Variants in SLC9A1 observed in about 807,000 individuals in gnomAD.
The protein encoded by SLC9A1 is solute carrier family 9 member A1, also known as sodium/hydrogen exchanger 1.
In SLC9A1, 22 loss-of-function variants were observed where a neutral mutation model predicts 67.9. The ratio of observed to expected loss-of-function variants is 0.32; its 90% confidence interval spans 0.23 to 0.46. SLC9A1 has a LOEUF of 0.46. SLC9A1 is among the 20% of genes least tolerant of loss of function. SLC9A1 has a pLI of 1.00. For missense variants in SLC9A1, 686 were observed against 1,094.8 expected (o/e 0.63, Z 5.27); for synonymous variants, 421 against 471.8 (o/e 0.89, Z 1.40).
At chr1:27,121,934 C>T (rs1570864199) in intron 1 of SLC9A1, among the ~76,000 whole-genome samples, 1 of 152,062 alleles carries the variant, frequency 6.6e-6, no homozygotes, top group Non-Finnish European at 1.5e-5. Flanking sequence ...ATTAGCCTGG[C>T]CAACATGGTG....
intron 3 of SLC9A1, 44 bp from the exon 4 acceptor site, chr1:27,107,909 A>C: frequency 7.0e-7 from 1 of 1,418,998 alleles, no homozygotes; most frequent in East Asian, 2.4e-5. Context: ...GTCGAGCTGC[A>C]CCTGCTCGAG....
At chr1:27,127,981 T>C (rs1164450922) in intron 1 of SLC9A1, among the ~76,000 whole-genome samples, 1 of 152,200 alleles carries the variant, frequency 6.6e-6, no homozygotes, top group African/African-American at 2.4e-5. Context: ...TCTCCATCCT[T>C]GGGGGCTTGT....
intron 1 of SLC9A1, among the ~76,000 whole-genome samples, chr1:27,143,399 T>C (rs540491957): frequency 1.3e-5 from 2 of 152,356 alleles, no homozygotes; most frequent in East Asian, 3.9e-4. Context: ...CCCTTGTATG[T>C]TGTCTCACTT....
rs762942952 is a variant in SLC9A1, at chr1:27,114,628, G to A, written c.353-342C>T. ...CAGAAATTATAAATTGATTACTGAC[G>A]TGCCAAGTACCTACGGGCATCACCT... On this transcript the variant is annotated intron_variant, in intron 1 of 11. Coordinates refer to ENST00000263980, the MANE Select transcript of SLC9A1 (RefSeq NM_003047.5). The surrounding 1 kb of genome is among the most constrained non-coding windows in gnomAD (Gnocchi z 5.4). Among the ~76,000 whole-genome samples, 4 of 152,106 alleles carry A rather than the reference G, an allele frequency of 2.6e-5. No individual in the cohort carries two copies. Among genetic ancestry groups the A allele is most frequent in the Non-Finnish European group, 4.4e-5 (3 of 68,030 alleles).
rs2083116371 is a variant in SLC9A1, at chr1:27,098,887, G to T, written c.*1420C>A. The T allele has an allele frequency of 6.6e-6, 1 of 152,652 alleles. No homozygotes were observed. The highest frequency in any genetic ancestry group is 1.5e-5 in the Non-Finnish European group (1 of 68,076). The allele number at this position is 152,652 out of a possible 1,614,324, so 9.5% of individuals were successfully genotyped here. On this transcript the variant is annotated 3_prime_UTR_variant, in exon 12 of 12. Transcript: ENST00000263980. ...CTGTACAGGCAGCAGAGTGGCAGCA[G>T]CTGCGGTGGCTTGGTACGTGGTTGT...
chr1:27,123,800 C>T (rs1329688628), intron 1 of SLC9A1, among the ~76,000 whole-genome samples: 3 of 151,448 alleles, frequency 2.0e-5, no homozygotes, highest in Admixed American at 6.6e-5. Flanking sequence ...CGTGAGCCAC[C>T]GCGCCCAGCC....
intron 2 of SLC9A1, among the ~76,000 whole-genome samples, chr1:27,112,058 G>C (rs2083231859): frequency 6.6e-6 from 1 of 151,648 alleles, no homozygotes; most frequent in South Asian, 2.1e-4. Flanking sequence ...ACAGACATTA[G>C]TGAGTATGAC....
rs1451146346 is a variant in SLC9A1 at position 27,100,664 on chromosome 1, C to CA, written c.2111-21dup. ...GTGGGTCTGGGGACCAAGAGCAAGG[C>CA]ACAAGCTGGGTTCCGCTCTGGAGCC... is the stretch of plus-strand genomic sequence containing the variant. On this transcript the variant is annotated intron_variant, in intron 11 of 11. Transcript: ENST00000263980. The surrounding 1 kb of genome is among the most constrained non-coding windows in gnomAD (Gnocchi z 5.6). 6.3e-7 allele frequency: 1 copy of CA among 1,580,968 alleles called. No homozygotes were observed. Among genetic ancestry groups the CA allele is most frequent in the African/African-American group, 1.3e-5 (1 of 74,292 alleles).
At chr1:27,125,581 A>G (rs901371287) in intron 1 of SLC9A1, among the ~76,000 whole-genome samples, 2 of 144,800 alleles carry the variant, frequency 1.4e-5, no homozygotes, top group Non-Finnish European at 3.0e-5. Context: ...CTCTTCCTAC[A>G]CCAGCCAAGA....
At chr1:27,146,652 A>G (rs902869392) in intron 1 of SLC9A1, among the ~76,000 whole-genome samples, 6 of 152,112 alleles carry the variant, frequency 3.9e-5, no homozygotes, top group African/African-American at 1.2e-4. Context: ...GGTGACCTGT[A>G]CCTGTGGTCC....
rs114057725 is a variant in SLC9A1 at position 27,134,328 on chromosome 1, C to T, written c.352+19655G>A. Among the ~76,000 whole-genome samples, 901 of 152,338 alleles carry T rather than the reference C, an allele frequency of 5.9e-3. 4 individuals carry two copies. Among genetic ancestry groups the T allele is most frequent in the African/African-American group, 0.017 (695 of 41,580 alleles). ...GATGATGGGGCTGGGTTAACTTCTCCAAGCTTTCCTCTAGCTCTGACAGCC... is the reference window on the plus strand; with the variant it reads ...GATGATGGGGCTGGGTTAACTTCTCTAAGCTTTCCTCTAGCTCTGACAGCC... On this transcript the variant is annotated intron_variant, in intron 1 of 11. Transcript: ENST00000263980.
chr1:27,137,879 C>T lies in SLC9A1; in HGVS notation c.352+16104G>A, dbSNP rs1438657483. ...TGACTCCACGCCCACTCTGCTCCAG[C>T]GTCCTGCTCGCCCCTCCCTGCTAGC... is the stretch of plus-strand genomic sequence containing the variant. On this transcript the variant is annotated intron_variant, in intron 1 of 11. Transcript: ENST00000263980. The surrounding 1 kb of genome is among the most constrained non-coding windows in gnomAD (Gnocchi z 4.6). Among the ~76,000 whole-genome samples the T allele has an allele frequency of 2.6e-5, 4 of 152,208 alleles. No homozygotes were observed. Among genetic ancestry groups the T allele is most frequent in the African/African-American group, 9.7e-5 (4 of 41,448 alleles).
chr1:27,146,854 G>A (rs751645437), intron 1 of SLC9A1, among the ~76,000 whole-genome samples: 54 of 152,156 alleles, frequency 3.5e-4, no homozygotes, highest in Admixed American at 1.0e-3. Flanking sequence ...ACCAATTACC[G>A]GACGGGTGCA....
chr1:27,135,428 C>T lies in SLC9A1; in HGVS notation c.352+18555G>A, dbSNP rs568394796. ...GATGAACTATTCAGAGTGCTCGGCC[C>T]GAGAAGCAAGGGAGTAAAAGGGGTA... On this transcript the variant is annotated intron_variant, in intron 1 of 11. Transcript: ENST00000263980. Among the ~76,000 whole-genome samples, 14 of 150,582 alleles carry T rather than the reference C, an allele frequency of 9.3e-5. No individual in the cohort carries two copies. In the South Asian group the frequency reaches 2.9e-3, roughly 32 times the overall value.
intron 1 of SLC9A1, among the ~76,000 whole-genome samples, chr1:27,149,901 A>C (rs2083515387): frequency 6.6e-6 from 1 of 152,198 alleles, no homozygotes; most frequent in African/African-American, 2.4e-5. Flanking sequence ...AAGTCTGGGC[A>C]ATCTGACCAA....
At chr1:27,133,921 C>T (rs1305399280) in intron 1 of SLC9A1, among the ~76,000 whole-genome samples, 3 of 151,950 alleles carry the variant, frequency 2.0e-5, no homozygotes, top group African/African-American at 4.8e-5. Context: ...CCTGCCACCA[C>T]ACCCTGCTAA....
chr1:27,108,499 G>C (rs777924272), intron 3 of SLC9A1, among the ~76,000 whole-genome samples: 3 of 152,064 alleles, frequency 2.0e-5, no homozygotes, highest in Non-Finnish European at 4.4e-5. Context: ...CCAATGTAGT[G>C]AAATGCAGTC....
intron 1 of SLC9A1, among the ~76,000 whole-genome samples, chr1:27,124,787 C>T (rs747857784): frequency 1.3e-5 from 2 of 151,998 alleles, no homozygotes; most frequent in African/African-American, 2.4e-5. Flanking sequence ...ATTTTAGTGA[C>T]CTCTCAGAAG....
intron 1 of SLC9A1, among the ~76,000 whole-genome samples, chr1:27,128,311 C>T (rs1391158095): frequency 3.9e-5 from 6 of 152,128 alleles, no homozygotes; most frequent in Admixed American, 3.9e-4. Flanking sequence ...CACAGCGTTG[C>T]TGTAAGAGGA....
Sources: gnomAD v4.1 joint callset for allele counts (sites outside exome capture counted in the v4.1 genomes callset) on GRCh38, gnomAD v4.1.1 for gene constraint, Gnocchi (gnomAD v3.1) non-coding constraint, MANE v1.5 for transcripts, NCBI Gene and HGNC (gene_info 2026-07-23, HGNC 2026-07-21) for gene names.